Variants in GRID2 observed in about 807,000 individuals in gnomAD.
GRID2 encodes the protein glutamate ionotropic receptor delta type subunit 2.
A neutral mutation model predicts 114.8 loss-of-function variants in GRID2; 33 were observed. The ratio of observed to expected loss-of-function variants is 0.29; its 90% CI spans 0.22 to 0.38. The LOEUF (loss-of-function observed/expected upper bound fraction) is 0.38, where lower values mean the gene tolerates loss of function less well. GRID2 is among the 10% of genes least tolerant of loss of function. GRID2 has a pLI of 1.00. For synonymous variants in GRID2, 505 were observed against 449.9 expected, an observed-to-expected ratio of 1.12 and a Z score of -1.55; for missense variants, 1,184 against 1,257.7, an observed-to-expected ratio of 0.94 and a Z score of 0.89.
intron 1 of GRID2, among the ~76,000 whole-genome samples, chr4:92,553,253 C>A (rs1292917286): frequency 6.6e-6 from 1 of 152,136 alleles, no homozygotes; most frequent in Non-Finnish European, 1.5e-5. Flanking sequence ...CACAACACAT[C>A]ATATAATTCT....
chr4:93,561,545 G>A (rs1483232284), intron 13 of GRID2, among the ~76,000 whole-genome samples: 2 of 151,852 alleles, frequency 1.3e-5, no homozygotes, highest in Non-Finnish European at 2.9e-5. Context: ...CATCATTATC[G>A]TCCAAAGTCC....
intron 1 of GRID2, among the ~76,000 whole-genome samples, chr4:92,424,480 A>C: frequency 6.6e-6 from 1 of 152,126 alleles, no homozygotes; most frequent in African/African-American, 2.4e-5. Context: ...AGTGAGAAAT[A>C]TTTTGGTAGT....
Position 93,772,101 on chromosome 4 carries a change from A to G in GRID2, c.2627A>G (p.His876Arg), listed in dbSNP as rs1484510790. 6.2e-7 allele frequency: 1 copy of G among 1,610,396 alleles called. No homozygotes were observed. Among genetic ancestry groups the G allele is most frequent in the South Asian group, 1.1e-5 (1 of 90,922 alleles). ...GATGACAAGGAAATTGACCTGGAGC[A>G]CCTCCATAGACGTGTAAATAGCTTG... ...KEDDKEIDLE[H>R]LHRRVNSLCT... Residue 876 changes from histidine to arginine, a missense_variant, in exon 16 of 16, where the codon CAC (histidine) becomes CGC (arginine). Physicochemically the swap from His to Arg is conservative, Grantham distance 29 (BLOSUM62 0). Coordinates refer to ENST00000282020, the MANE Select transcript of GRID2 (RefSeq NM_001510.4).
At chr4:92,541,833 C>T (rs1181283689) in intron 1 of GRID2, among the ~76,000 whole-genome samples, 1 of 151,892 alleles carries the variant, frequency 6.6e-6, no homozygotes, top group African/African-American at 2.4e-5. Flanking sequence ...GGTTGTTCAC[C>T]TTTCACCTGG....
intron 1 of GRID2, among the ~76,000 whole-genome samples, chr4:92,513,077 G>A (rs1243877605): frequency 6.6e-6 from 1 of 151,808 alleles, no homozygotes; most frequent in East Asian, 1.9e-4. Context: ...GATTTTTATA[G>A]CAATGACAAC....
At chr4:92,569,180 T>C (rs1312400659) in intron 1 of GRID2, among the ~76,000 whole-genome samples, 1 of 152,000 alleles carries the variant, frequency 6.6e-6, no homozygotes, top group Non-Finnish European at 1.5e-5. Flanking sequence ...TGTCCATGTG[T>C]TCTTATCATT....
At chr4:93,648,921 G>A (rs1465155383) in intron 14 of GRID2, among the ~76,000 whole-genome samples, 1 of 151,658 alleles carries the variant, frequency 6.6e-6, no homozygotes, top group East Asian at 1.9e-4. Context: ...TTTAATTCTT[G>A]CAAAACATCA....
chr4:93,076,334 C>T (rs527459130), intron 2 of GRID2, among the ~76,000 whole-genome samples: 1 of 152,042 alleles, frequency 6.6e-6, no homozygotes, highest in Non-Finnish European at 1.5e-5. Flanking sequence ...AGTGTCAGGT[C>T]ATAAAGAATT....
chr4:92,634,062 A>G (rs1176861928), intron 2 of GRID2, among the ~76,000 whole-genome samples: 1 of 151,648 alleles, frequency 6.6e-6, no homozygotes, highest in African/African-American at 2.4e-5. Context: ...TGGAAGAAGA[A>G]TTGTCTTGGG....
chr4:92,638,768 A>T (rs1274206686), intron 2 of GRID2, among the ~76,000 whole-genome samples: 1 of 150,676 alleles, frequency 6.6e-6, no homozygotes, highest in Non-Finnish European at 1.5e-5. Flanking sequence ...TTAATAACAA[A>T]TTTATTTTTA....
intron 2 of GRID2, among the ~76,000 whole-genome samples, chr4:92,821,750 C>T (rs182016293): frequency 3.7e-4 from 56 of 152,212 alleles, no homozygotes; most frequent in African/African-American, 1.3e-3. Flanking sequence ...ATAAAACACA[C>T]ATAGCAAGAC....
At chr4:93,255,258 T>C (rs116716031) in intron 8 of GRID2, among the ~76,000 whole-genome samples, 337 of 152,248 alleles carry the variant, frequency 2.2e-3, no homozygotes, top group Non-Finnish European at 3.7e-3. Context: ...TGGTGAAACA[T>C]CTCTATCTTA....
chr4:93,565,007 T>C (rs921183102), intron 13 of GRID2, among the ~76,000 whole-genome samples: 1 of 152,100 alleles, frequency 6.6e-6, no homozygotes, highest in Non-Finnish European at 1.5e-5. Flanking sequence ...AGAAATATTA[T>C]ATGGCTTTTG....
intron 1 of GRID2, among the ~76,000 whole-genome samples, chr4:92,403,606 C>T (rs1004742548): frequency 3.3e-5 from 5 of 151,684 alleles, no homozygotes; most frequent in African/African-American, 4.8e-5. Context: ...ACAGGAGAAT[C>T]GCTTGAACCC....
At chr4:93,559,731 A>G (rs1734697014) in intron 13 of GRID2, among the ~76,000 whole-genome samples, 1 of 152,216 alleles carries the variant, frequency 6.6e-6, no homozygotes, top group Non-Finnish European at 1.5e-5. Flanking sequence ...ATTACTGGGT[A>G]TATACCCAAA....
chr4:92,683,010 A>C (rs990046794), intron 2 of GRID2, among the ~76,000 whole-genome samples: 1 of 152,068 alleles, frequency 6.6e-6, no homozygotes, highest in Admixed American at 6.6e-5. Flanking sequence ...AAAATATTCT[A>C]GTTAATAGGC....
At chr4:92,444,637 G>A (rs1733348508) in intron 1 of GRID2, among the ~76,000 whole-genome samples, 1 of 152,104 alleles carries the variant, frequency 6.6e-6, no homozygotes, top group African/African-American at 2.4e-5. Flanking sequence ...GGCTTGGCTT[G>A]GGCTCAGAGG....
rs1358184644 is a variant in GRID2, at chr4:92,304,687, T to G, written c.31T>G (p.Ser11Ala). The change falls in exon 1 of 16, where the codon TCC becomes GCC. Residue 11 changes from serine (S) to alanine (A), a missense_variant. Physicochemically the swap from Ser to Ala is moderately conservative, Grantham distance 99 (BLOSUM62 1). Around this residue, in one of 3 missense-constraint regions of GRID2, gnomAD observed 455 missense variants for 429.5 expected, o/e 1.06. Transcript: ENST00000282020. MEVFPFLLVL[S>A]VWWSRTWDSA... ...AGTTTTCCCCTTTCTCTTGGTTTTGTCCGTCTGGTGGTCTCGAACCTGGGA... is the reference window on the plus strand; with the variant it reads ...AGTTTTCCCCTTTCTCTTGGTTTTGGCCGTCTGGTGGTCTCGAACCTGGGA... The G allele has an allele frequency of 6.2e-7, 1 of 1,613,626 alleles. No homozygotes were observed. Among genetic ancestry groups the G allele is most frequent in the Non-Finnish European group, 8.5e-7 (1 of 1,179,532 alleles).
chr4:92,906,372 C>A (rs1009870096), intron 2 of GRID2, among the ~76,000 whole-genome samples: 1 of 136,206 alleles, frequency 7.3e-6, no homozygotes, highest in Non-Finnish European at 1.6e-5. Flanking sequence ...CACATCTCTA[C>A]GCAGATTTTT....
Sources: allele counts gnomAD v4.1 joint callset (sites outside exome capture counted in the v4.1 genomes callset), GRCh38; gene constraint gnomAD v4.1.1; regional missense constraint gnomAD v4.1.1; transcripts MANE v1.5; gene names NCBI Gene and HGNC (gene_info 2026-07-23, HGNC 2026-07-21).